The following SIGLECL1 variants were observed in gnomAD, a reference collection of about 807,000 sequenced individuals.
The protein encoded by SIGLECL1 is SIGLEC family like 1.
A neutral mutation model predicts 19.1 loss-of-function variants in SIGLECL1; 16 were observed. That is an observed-to-expected ratio of 0.84 (90% CI 0.57 to 1.27). The LOEUF (loss-of-function observed/expected upper bound fraction) is 1.27, where lower values mean the gene tolerates loss of function less well. Ranked by LOEUF, SIGLECL1 falls within the 50% of genes most tolerant of loss-of-function variation. The pLI, the probability that SIGLECL1 is intolerant of heterozygous loss-of-function variation, is 0.00. For synonymous variants in SIGLECL1, 89 were observed against 90.4 expected, an observed-to-expected ratio of 0.98 and a Z score of 0.09; for missense variants, 210 against 239.4, an observed-to-expected ratio of 0.88 and a Z score of 0.81.
chr19:51,255,699 A>T (rs1982759437), intron 1 of SIGLECL1, among the ~76,000 whole-genome samples: 1 of 152,214 alleles, frequency 6.6e-6, no homozygotes, highest in African/African-American at 2.4e-5. Flanking sequence ...AATGCCTGAC[A>T]TCACTAATCA....
At chr19:51,246,365 A>C (rs946024846), upstream of SIGLECL1, 5 of 152,258 alleles carry the variant, frequency 3.3e-5, no homozygotes, top group South Asian at 8.3e-4. Flanking sequence ...CTGCTTCGAA[A>C]GGGATCCATG....
chr19:51,265,827 G>A lies in SIGLECL1; in HGVS notation c.355G>A (p.Ala119Thr). Residue 119 changes from alanine to threonine, a missense_variant, in exon 4 of 6, where the codon GCT becomes ACT. Ala to Thr is a moderately conservative substitution (Grantham distance 58). Transcript: ENST00000601727. ...QAFVKGLIQG[A>T]IYAGIVIALL... ...CTTCGTGAAAGGGCTGATCCAGGGTGCTATCTATGCGGGAATTGTAATTGC... is the reference window on the plus strand; with the variant it reads ...CTTCGTGAAAGGGCTGATCCAGGGTACTATCTATGCGGGAATTGTAATTGC... 6.2e-7 allele frequency: 1 copy of A among 1,614,182 alleles called. No homozygotes were observed. Among genetic ancestry groups the A allele is most frequent in the Non-Finnish European group, 8.5e-7 (1 of 1,180,030 alleles).
At chr19:51,247,293 G>T (rs1982295695), upstream of SIGLECL1, among the ~76,000 whole-genome samples, 1 of 152,160 alleles carries the variant, frequency 6.6e-6, no homozygotes, top group Non-Finnish European at 1.5e-5. Flanking sequence ...GTCTATCAGG[G>T]TGCAAAAAAG....
intron 2 of SIGLECL1, chr19:51,264,412 C>G (rs1447194194): frequency 3.9e-5 from 11 of 284,644 alleles, no homozygotes; most frequent in Non-Finnish European, 6.0e-5. Context: ...TCTGTGGGCA[C>G]ACTTTGCCAG....
chr19:51,261,421 T>A (rs993315703), intron 1 of SIGLECL1, among the ~76,000 whole-genome samples: 1 of 152,174 alleles, frequency 6.6e-6, no homozygotes, highest in South Asian at 2.1e-4. Context: ...CCTGAGTAGC[T>A]GGGATTACAG....
intron 5 of SIGLECL1, 91 bp downstream of exon 5, chr19:51,267,620 A>T (rs758605304): frequency 4.8e-6 from 7 of 1,461,602 alleles, no homozygotes; most frequent in Non-Finnish European, 6.6e-6. Flanking sequence ...TGAAGGTGTT[A>T]TCATCCTCAG....
intron 1 of SIGLECL1, among the ~76,000 whole-genome samples, chr19:51,254,573 C>T (rs1982690222): frequency 6.6e-6 from 1 of 152,046 alleles, no homozygotes; most frequent in East Asian, 1.9e-4. Flanking sequence ...ATACAATGTC[C>T]AGAATAGGCA....
chr19:51,248,242 G>C (rs550571399), upstream of SIGLECL1, among the ~76,000 whole-genome samples: 2 of 152,270 alleles, frequency 1.3e-5, no homozygotes, highest in East Asian at 3.9e-4. Context: ...ATTTGCATAA[G>C]AAGATTAGGG....
At chr19:51,247,251 C>T (rs559135467), upstream of SIGLECL1, among the ~76,000 whole-genome samples, 1 of 152,138 alleles carries the variant, frequency 6.6e-6, no homozygotes, top group South Asian at 2.1e-4. Context: ...CCAGTTTTGA[C>T]AACCAAAAAA....
chr19:51,248,464 A>G (rs985586652), upstream of SIGLECL1, among the ~76,000 whole-genome samples: 1 of 151,246 alleles, frequency 6.6e-6, no homozygotes, highest in Admixed American at 6.6e-5. Flanking sequence ...TTAAACCTCC[A>G]CTCCTAAAAT....
chr19:51,265,328 C>A, intron 2 of SIGLECL1, 40 bp from the exon 3 acceptor site: 1 of 1,558,664 alleles, frequency 6.4e-7, no homozygotes, highest in Admixed American at 1.8e-5. Flanking sequence ...AAGAGGGAAG[C>A]CAGGATGCCT....
chr19:51,253,227 T>C (rs1469718254), intron 1 of SIGLECL1, among the ~76,000 whole-genome samples: 2 of 152,254 alleles, frequency 1.3e-5, no homozygotes, highest in Admixed American at 1.3e-4. Context: ...TCTGTTCTAC[T>C]GACTCATTTA....
chr19:51,258,940 C>A (rs1042084047), intron 1 of SIGLECL1, among the ~76,000 whole-genome samples: 1 of 152,108 alleles, frequency 6.6e-6, no homozygotes, highest in Non-Finnish European at 1.5e-5. Context: ...AGCCAGAAGG[C>A]AAACATGACA....
At chr19:51,254,606 A>G (rs1982692567) in intron 1 of SIGLECL1, among the ~76,000 whole-genome samples, 1 of 152,140 alleles carries the variant, frequency 6.6e-6, no homozygotes, top group African/African-American at 2.4e-5. Context: ...CGGAAAATAG[A>G]TTAGTGGTTG....
At chr19:51,262,194 A>G (rs1983284101) in intron 1 of SIGLECL1, among the ~76,000 whole-genome samples, 2 of 152,134 alleles carry the variant, frequency 1.3e-5, no homozygotes, top group African/African-American at 4.8e-5. Context: ...GGCCCTTTTA[A>G]AGAAATATTT....
chr19:51,254,885 T>C (rs1982709968), intron 1 of SIGLECL1, among the ~76,000 whole-genome samples: 1 of 152,064 alleles, frequency 6.6e-6, no homozygotes, highest in Non-Finnish European at 1.5e-5. Flanking sequence ...AACCTGAAAA[T>C]TTTAGGGAAA....
At position 51,263,976 on chromosome 19, in the gene SIGLECL1, G is replaced by C. The variant is rs961814818; in HGVS notation, c.-97G>C. ...CATCCCCACATCCTCTTTCAGTTAC[G>C]CATCACCTCACTCCTTCTGAACCAT... On this transcript the variant is annotated 5_prime_UTR_variant, in exon 2 of 6. Transcript: ENST00000601727. The C allele has an allele frequency of 6.9e-7, 1 of 1,452,526 alleles. No individual in the cohort carries two copies. Among genetic ancestry groups the C allele is most frequent in the East Asian group, 2.4e-5 (1 of 42,382 alleles). The allele number at this position is 1,452,526 out of a possible 1,614,324, so 90.0% of individuals were successfully genotyped here. A position where few individuals can be genotyped will look rare whatever the true frequency, so the allele number is the denominator to read the frequency against.
At chr19:51,256,318 A>G (rs755741018) in intron 1 of SIGLECL1, among the ~76,000 whole-genome samples, 2 of 152,232 alleles carry the variant, frequency 1.3e-5, no homozygotes, top group Non-Finnish European at 2.9e-5. Flanking sequence ...ACACATACAC[A>G]CACAGTGGAA....
chr19:51,248,290 T>A (rs1230992605), upstream of SIGLECL1, among the ~76,000 whole-genome samples: 2 of 152,222 alleles, frequency 1.3e-5, no homozygotes, highest in Non-Finnish European at 2.9e-5. Context: ...ATTTAAACAT[T>A]ATACCCGATC....
Sources: allele counts gnomAD v4.1 joint callset (sites outside exome capture counted in the v4.1 genomes callset), GRCh38; gene constraint gnomAD v4.1.1; transcripts MANE v1.5; gene names NCBI Gene and HGNC (gene_info 2026-07-23, HGNC 2026-07-21).